Variants in BABAM2 observed in about 807,000 individuals in gnomAD.
BABAM2 encodes BRISC and BRCA1 A complex member 2, also known as BRISC and BRCA1-A complex member 2.
Under a neutral mutation model 54.7 loss-of-function variants are expected in BABAM2, and 31 were observed. The observed-to-expected ratio is 0.57, with a 90% confidence interval of 0.43 to 0.77. The LOEUF (loss-of-function observed/expected upper bound fraction) is 0.77, where lower values mean the gene tolerates loss of function less well. Ranked by LOEUF, BABAM2 falls within the 30% of genes least tolerant of loss-of-function variation. The pLI, the probability that BABAM2 is intolerant of heterozygous loss-of-function variation, is 0.00. For synonymous variants in BABAM2, 167 were observed against 162.9 expected (o/e 1.03, Z -0.19); for missense variants, 364 against 455.8 (o/e 0.80, Z 1.83).
chr2:28,095,857 A>G (rs923366439), intron 6 of BABAM2, among the ~76,000 whole-genome samples: 1 of 152,182 alleles, frequency 6.6e-6, no homozygotes, highest in African/African-American at 2.4e-5. Context: ...GAGAACCAAC[A>G]ATGGAAGGTG....
intron 4 of BABAM2, among the ~76,000 whole-genome samples, chr2:28,007,561 G>A (rs1371147117): frequency 6.6e-6 from 1 of 152,006 alleles, no homozygotes; most frequent in Non-Finnish European, 1.5e-5. Flanking sequence ...ATGCTTGGTA[G>A]CTTTCTGGAA....
rs978834295 is a variant in BABAM2 at position 28,331,859 on chromosome 2, C to G, written c.1089-6591C>G. Among the ~76,000 whole-genome samples the G allele has an allele frequency of 3.3e-5, 5 of 152,318 alleles. No homozygotes were observed. In the East Asian group the frequency reaches 9.6e-4, roughly 29 times the overall value. On this transcript the variant is annotated intron_variant, in intron 11 of 11. Coordinates refer to ENST00000379624, the MANE Select transcript of BABAM2 (RefSeq NM_199191.3). ...TATAAATCATTCTGTTATAAAGATA[C>G]ATGCACGCATATGTTCACTGCAGCA...
intron 3 of BABAM2, among the ~76,000 whole-genome samples, chr2:27,962,358 C>T (rs2148431686): frequency 6.6e-6 from 1 of 152,202 alleles, no homozygotes; most frequent in South Asian, 2.1e-4. Context: ...CTCCTGGCCT[C>T]CCAAAGTGGT....
chr2:27,909,395 T>C (rs891444653), intron 2 of BABAM2, among the ~76,000 whole-genome samples: 5 of 152,220 alleles, frequency 3.3e-5, no homozygotes, highest in Non-Finnish European at 5.9e-5. Context: ...TCAAGTCTTT[T>C]GCCCATTAAA....
At chr2:28,216,184 T>G (rs908962594) in intron 7 of BABAM2, among the ~76,000 whole-genome samples, 2 of 152,226 alleles carry the variant, frequency 1.3e-5, no homozygotes, top group African/African-American at 4.8e-5. Flanking sequence ...TTGCCATATT[T>G]TAAAAGAACT....
At chr2:28,314,264 C>G (rs1689326853) in intron 11 of BABAM2, among the ~76,000 whole-genome samples, 1 of 152,208 alleles carries the variant, frequency 6.6e-6, no homozygotes, top group Admixed American at 6.5e-5. Context: ...ACTGCTATTA[C>G]ACCTATTTTA....
At chr2:28,051,145 G>A (rs193160097) in intron 6 of BABAM2, among the ~76,000 whole-genome samples, 6 of 152,284 alleles carry the variant, frequency 3.9e-5, no homozygotes, top group Admixed American at 2.0e-4. Flanking sequence ...CTCAAAATGA[G>A]TAGTACTTAC....
intron 6 of BABAM2, among the ~76,000 whole-genome samples, chr2:28,087,154 C>G (rs1665720866): frequency 6.6e-6 from 1 of 152,064 alleles, no homozygotes; most frequent in African/African-American, 2.4e-5. Flanking sequence ...TCAATTTCTC[C>G]AGAAAATAAA....
intron 5 of BABAM2, among the ~76,000 whole-genome samples, chr2:28,027,179 C>G (rs955458225): frequency 6.6e-6 from 1 of 150,686 alleles, no homozygotes; most frequent in African/African-American, 2.4e-5. Flanking sequence ...TTCTCCTGCC[C>G]AAGGGTCTTT....
At chr2:27,909,565 C>T (rs545353500) in intron 2 of BABAM2, among the ~76,000 whole-genome samples, 5 of 152,246 alleles carry the variant, frequency 3.3e-5, no homozygotes, top group African/African-American at 1.2e-4. Context: ...TTTCACTTGA[C>T]AAAATTTGAG....
intron 6 of BABAM2, among the ~76,000 whole-genome samples, chr2:28,112,150 C>CTTT (rs1558346816): frequency 1.1e-3 from 2 of 1,876 alleles, no homozygotes; most frequent in African/African-American, 2.1e-3. Context: ...TCTTTCTTTA[C>CTTT]CTCCCTCCCT....
chr2:28,055,711 A>G (rs1406529469), intron 6 of BABAM2, among the ~76,000 whole-genome samples: 3 of 152,230 alleles, frequency 2.0e-5, no homozygotes, highest in Non-Finnish European at 2.9e-5. Context: ...GAAATTAAAA[A>G]TAGAACTACC....
chr2:28,300,293 A>G (rs867514609), intron 11 of BABAM2, among the ~76,000 whole-genome samples: 1 of 152,154 alleles, frequency 6.6e-6, no homozygotes, highest in Non-Finnish European at 1.5e-5. Flanking sequence ...ACTGCCTCAG[A>G]TTTATATGCA....
intron 2 of BABAM2, among the ~76,000 whole-genome samples, chr2:27,917,014 C>CTTTTTTTTTTTTT (rs753765833): frequency 1.1e-5 from 1 of 90,108 alleles, no homozygotes; most frequent in Non-Finnish European, 2.3e-5. Context: ...TCACTCCAAA[C>CTTTTTTTTTTTTT]TTTTTTTTTT....
At chr2:27,981,252 GT>G (rs1397699873) in intron 3 of BABAM2, among the ~76,000 whole-genome samples, 3 of 151,600 alleles carry the variant, frequency 2.0e-5, no homozygotes, top group Non-Finnish European at 4.4e-5. Context: ...AAAAGTAACT[GT>G]GTCACAACTA....
chr2:28,008,884 C>T (rs1674168711), intron 4 of BABAM2, among the ~76,000 whole-genome samples: 1 of 152,106 alleles, frequency 6.6e-6, no homozygotes, highest in Non-Finnish European at 1.5e-5. Flanking sequence ...TGAAGATGTT[C>T]TTCCCCCCTG....
intron 4 of BABAM2, among the ~76,000 whole-genome samples, chr2:27,998,173 C>T (rs996608012): frequency 7.9e-5 from 12 of 151,846 alleles, no homozygotes; most frequent in African/African-American, 2.9e-4. Context: ...AATGCTTATC[C>T]AGAGGAGTTA....
At chr2:27,918,935 C>T (rs1667169197) in intron 2 of BABAM2, among the ~76,000 whole-genome samples, 1 of 152,180 alleles carries the variant, frequency 6.6e-6, no homozygotes, top group Admixed American at 6.5e-5. Flanking sequence ...AGTGATCCAC[C>T]TGACTTGGCC....
chr2:28,193,670 G>A (rs1308980858), intron 7 of BABAM2, among the ~76,000 whole-genome samples: 4 of 152,182 alleles, frequency 2.6e-5, no homozygotes, highest in Non-Finnish European at 5.9e-5. Flanking sequence ...CAATTTATAA[G>A]AAGGAAAAGA....
Sources: allele counts gnomAD v4.1 joint callset (sites outside exome capture counted in the v4.1 genomes callset), GRCh38; gene constraint gnomAD v4.1.1; transcripts MANE v1.5; gene names NCBI Gene and HGNC (gene_info 2026-07-23, HGNC 2026-07-21).